ANKFN1: variants seen among roughly 807,000 people sequenced by gnomAD.
The protein encoded by ANKFN1 is ankyrin repeat and fibronectin type-III domain-containing protein 1.
In ANKFN1, 74 loss-of-function variants were observed where a neutral mutation model predicts 108.7. The observed-to-expected ratio is 0.68, with a 90% CI of 0.56 to 0.83. ANKFN1 has a LOEUF of 0.83. ANKFN1 is among the 40% of genes least tolerant of loss of function. ANKFN1 has a pLI of 0.00. For synonymous variants in ANKFN1, 547 were observed against 516.2 expected, an observed-to-expected ratio of 1.06 and a Z score of -0.81; for missense variants, 1,505 against 1,382.3, an observed-to-expected ratio of 1.09 and a Z score of -1.41.
At chr17:56,466,721 T>A (rs1425221791) in intron 15 of ANKFN1, 150 bp downstream of exon 15, 1 of 673,110 alleles carries the variant, frequency 1.5e-6, no homozygotes, top group Non-Finnish European at 2.5e-6. Flanking sequence ...CAGAAGCTTA[T>A]TTTTTATTTA....
At chr17:56,068,024 C>T (rs1337974927) in intron 4 of ANKFN1, among the ~76,000 whole-genome samples, 1 of 152,116 alleles carries the variant, frequency 6.6e-6, no homozygotes, top group Non-Finnish European at 1.5e-5. Context: ...TCCCTGCAGA[C>T]CTCTCTATGT....
chr17:56,246,028 A>G (rs913909102), intron 3 of ANKFN1, among the ~76,000 whole-genome samples: 4 of 152,146 alleles, frequency 2.6e-5, no homozygotes, highest in Non-Finnish European at 5.9e-5. Context: ...TTATAGACAC[A>G]TATATATAAT....
rs542070771 is a variant in ANKFN1 at position 56,178,058 on chromosome 17, G to T, written c.-71+24528G>T. Among the ~76,000 whole-genome samples, 9 of 152,200 alleles carry T rather than the reference G, an allele frequency of 5.9e-5. No homozygotes were observed. In the South Asian group the frequency reaches 1.9e-3, roughly 32 times the overall value. The stretch of plus-strand genomic sequence containing the variant: ...CTTAAAATTGATTGCCAGTCTTTTG[G>T]GGGTAGCAGGATGTCATTCGCCCTC... On this transcript the variant is annotated intron_variant, in intron 1 of 20. Transcript: ENST00000682825.
At chr17:56,209,089 A>T (rs1914766077) in intron 1 of ANKFN1, among the ~76,000 whole-genome samples, 1 of 152,114 alleles carries the variant, frequency 6.6e-6, no homozygotes, top group Non-Finnish European at 1.5e-5. Flanking sequence ...CTAAAATAAC[A>T]ACATTTTTCC....
intron 5 of ANKFN1, among the ~76,000 whole-genome samples, chr17:56,351,560 T>C (rs553479278): frequency 1.3e-5 from 2 of 152,322 alleles, no homozygotes; most frequent in African/African-American, 2.4e-5. Context: ...TACATTCATC[T>C]CTGACTTCCC....
chr17:56,095,509 T>C (rs732070), intron 4 of ANKFN1, among the ~76,000 whole-genome samples: 21,045 of 143,060 alleles, frequency 0.15, 4,579 homozygotes, highest in African/African-American at 0.46. Context: ...GCTATTTTGC[T>C]CAGGCTGGTC....
chr17:56,094,149 G>A (rs1335280790), intron 4 of ANKFN1, among the ~76,000 whole-genome samples: 1 of 151,036 alleles, frequency 6.6e-6, no homozygotes, highest in African/African-American at 2.4e-5. Flanking sequence ...CAGGAGAGGG[G>A]CATGGAACAG....
At chr17:56,245,644 A>T (rs1917904710) in intron 3 of ANKFN1, 1 of 152,164 alleles carries the variant, frequency 6.6e-6, no homozygotes, top group Non-Finnish European at 1.5e-5. Context: ...ATAAAAATTC[A>T]TTTATAACGT....
intron 3 of ANKFN1, among the ~76,000 whole-genome samples, chr17:56,243,945 T>C (rs1438573069): frequency 6.6e-6 from 1 of 152,114 alleles, no homozygotes; most frequent in African/African-American, 2.4e-5. Flanking sequence ...GAAACTTCAT[T>C]GTATTGGGGT....
At chr17:56,210,214 A>G (rs1235568655) in intron 1 of ANKFN1, among the ~76,000 whole-genome samples, 4 of 152,154 alleles carry the variant, frequency 2.6e-5, no homozygotes, top group South Asian at 4.1e-4. Context: ...TGCATGTACA[A>G]GTATCTTTTT....
At chr17:56,490,124 T>G (rs1286539389) in intron 18 of ANKFN1, among the ~76,000 whole-genome samples, 1 of 152,102 alleles carries the variant, frequency 6.6e-6, no homozygotes, top group Admixed American at 6.6e-5. Flanking sequence ...ACATAAAAAT[T>G]AATAGGAGGC....
At chr17:56,402,356 A>G (rs2047788824) in intron 8 of ANKFN1, among the ~76,000 whole-genome samples, 1 of 152,076 alleles carries the variant, frequency 6.6e-6, no homozygotes, top group East Asian at 1.9e-4. Context: ...TTGCCATTTC[A>G]ATCTCGCTGC....
At chr17:56,213,857 A>G (rs922237253) in intron 2 of ANKFN1, among the ~76,000 whole-genome samples, 1 of 152,212 alleles carries the variant, frequency 6.6e-6, no homozygotes, top group Non-Finnish European at 1.5e-5. Context: ...AACATTTCAT[A>G]TGTTAGGGAT....
chr17:56,174,247 G>A, intron 1 of ANKFN1: 2 of 985,542 alleles, frequency 2.0e-6, no homozygotes, highest in Non-Finnish European at 2.4e-6. Flanking sequence ...AAAGACTTGT[G>A]AGCCCACTCA....
intron 4 of ANKFN1, among the ~76,000 whole-genome samples, chr17:56,144,945 T>C (rs555043230): frequency 4.1e-4 from 63 of 152,244 alleles, no homozygotes; most frequent in African/African-American, 1.3e-3. Flanking sequence ...CCTTTTTTTT[T>C]TCTAAAAACC....
intron 3 of ANKFN1, among the ~76,000 whole-genome samples, chr17:56,267,978 A>C (rs908135445): frequency 2.0e-5 from 3 of 152,146 alleles, no homozygotes; most frequent in Non-Finnish European, 4.4e-5. Flanking sequence ...AAATTATTTC[A>C]GGAAGTATGG....
intron 4 of ANKFN1, among the ~76,000 whole-genome samples, chr17:56,066,898 T>C (rs1296637707): frequency 1.3e-5 from 2 of 152,178 alleles, no homozygotes; most frequent in East Asian, 3.9e-4. Context: ...TGTCAAAAAG[T>C]TTCCTTCCTA....
intron 10 of ANKFN1, among the ~76,000 whole-genome samples, chr17:56,445,631 G>A (rs940598679): frequency 2.0e-5 from 3 of 152,008 alleles, no homozygotes; most frequent in African/African-American, 4.8e-5. Context: ...AACATATATC[G>A]GTATTCAGAT....
At chr17:56,255,137 G>A (rs373445181) in intron 3 of ANKFN1, among the ~76,000 whole-genome samples, 1 of 152,216 alleles carries the variant, frequency 6.6e-6, no homozygotes, top group Admixed American at 6.5e-5. Flanking sequence ...CCATGGCCTT[G>A]CAACTCTTGG....
Sources: gnomAD v4.1 joint callset for allele counts (sites outside exome capture counted in the v4.1 genomes callset) on GRCh38, gnomAD v4.1.1 for gene constraint, MANE v1.5 for transcripts, NCBI Gene and HGNC (gene_info 2026-07-23, HGNC 2026-07-21) for gene names.